Variants in KIF26B observed in about 807,000 individuals in gnomAD.
KIF26B encodes kinesin family member 26B.
Under a neutral mutation model 151.2 loss-of-function variants are expected in KIF26B, and 63 were observed. That is an observed-to-expected ratio of 0.42 (90% CI 0.34 to 0.51). The LOEUF (loss-of-function observed/expected upper bound fraction) is 0.51, where lower values mean the gene tolerates loss of function less well. Among genes scored for constraint, KIF26B ranks in the 20% least tolerant of loss-of-function variants. The probability of loss-of-function intolerance (pLI) is 0.07; values close to 1 mark genes in which losing one functional copy is unlikely to be tolerated. For missense variants in KIF26B, 2,813 were observed against 2,913.6 expected, an observed-to-expected ratio of 0.97 and a Z score of 0.79; for synonymous variants, 1,357 against 1,262.1, an observed-to-expected ratio of 1.08 and a Z score of -1.59.
At chr1:245,677,187 G>C (rs1370128350) in intron 10 of KIF26B, among the ~76,000 whole-genome samples, 2 of 152,218 alleles carry the variant, frequency 1.3e-5, no homozygotes, top group African/African-American at 4.8e-5. Context: ...GATCACAAAG[G>C]CTGGTCCTTC....
At chr1:245,470,814 G>A (rs12068583) in intron 4 of KIF26B, among the ~76,000 whole-genome samples, 4 of 152,032 alleles carry the variant, frequency 2.6e-5, no homozygotes, top group South Asian at 2.1e-4. Context: ...CTGCCTATTC[G>A]TGCATAATTT....
chr1:245,551,062 T>A (rs146050207), intron 5 of KIF26B, among the ~76,000 whole-genome samples: 13 of 152,258 alleles, frequency 8.5e-5, no homozygotes, highest in African/African-American at 2.9e-4. Context: ...AATATATAAT[T>A]TTAGACAGCG....
chr1:245,568,212 A>C (rs1012349576), intron 5 of KIF26B, among the ~76,000 whole-genome samples: 1 of 148,362 alleles, frequency 6.7e-6, no homozygotes, highest in Non-Finnish European at 1.5e-5. Flanking sequence ...AAAAAAAAAA[A>C]AAGAAGCTCT....
intron 2 of KIF26B, among the ~76,000 whole-genome samples, chr1:245,175,979 T>A (rs567466681): frequency 0.014 from 2,081 of 148,016 alleles, 24 homozygotes; most frequent in African/African-American, 0.03. Flanking sequence ...TAGACATCTA[T>A]ATATATAGAT....
intron 2 of KIF26B, among the ~76,000 whole-genome samples, chr1:245,235,561 C>T (rs748580466): frequency 4.0e-5 from 6 of 151,626 alleles, no homozygotes; most frequent in South Asian, 4.2e-4. Flanking sequence ...CCACTGCACT[C>T]GAGCTTGGGT....
intron 4 of KIF26B, among the ~76,000 whole-genome samples, chr1:245,462,586 G>A (rs1659674464): frequency 6.6e-6 from 1 of 152,152 alleles, no homozygotes; most frequent in Admixed American, 6.5e-5. Flanking sequence ...CATCTTCACT[G>A]TGTATTCACC....
At chr1:245,681,284 A>C (rs2044434574) in intron 10 of KIF26B, among the ~76,000 whole-genome samples, 1 of 149,286 alleles carries the variant, frequency 6.7e-6, no homozygotes, top group Non-Finnish European at 1.5e-5. Flanking sequence ...ATCACGGCTC[A>C]CTGCAAGCTC....
intron 4 of KIF26B, among the ~76,000 whole-genome samples, chr1:245,450,684 G>A (rs1242581950): frequency 6.6e-6 from 1 of 152,146 alleles, no homozygotes; most frequent in Non-Finnish European, 1.5e-5. Flanking sequence ...TTCTGTGGTA[G>A]GATTTAGAGT....
intron 2 of KIF26B, among the ~76,000 whole-genome samples, chr1:245,225,713 G>T (rs961096880): frequency 1.3e-5 from 2 of 152,212 alleles, no homozygotes; most frequent in African/African-American, 4.8e-5. Flanking sequence ...TCCTCGGTCC[G>T]TAGGGATGGA....
rs1256029069 is a variant in KIF26B at position 245,685,419 on chromosome 1, G to A, written c.2436G>A (p.Ser812=). 6.8e-6 allele frequency: 11 copies of A among 1,611,430 alleles called. No individual in the cohort carries two copies. Among genetic ancestry groups the A allele is most frequent in the Admixed American group, 3.3e-5 (2 of 59,886 alleles). Residue 812 remains serine (S), a synonymous_variant, in exon 12 of 15, where the codon TCG becomes TCA. Transcript: ENST00000407071. ...KKKKTKYTSS[S]SGGESSCEEG... Reference sequence around the variant, plus strand: ...CTCACTCACAGTACACATCCAGCTCGTCCGGCGGGGAGAGCTCCTGCGAAG... The same window carrying A: ...CTCACTCACAGTACACATCCAGCTCATCCGGCGGGGAGAGCTCCTGCGAAG...
chr1:245,604,232 T>A (rs56930724), intron 6 of KIF26B, among the ~76,000 whole-genome samples: 5,339 of 152,280 alleles, frequency 0.035, 293 homozygotes, highest in African/African-American at 0.12. Context: ...TAATAACTAA[T>A]AATCTATAGC....
At chr1:245,171,824 C>A (rs950567093) in intron 2 of KIF26B, among the ~76,000 whole-genome samples, 1 of 152,174 alleles carries the variant, frequency 6.6e-6, no homozygotes, top group Non-Finnish European at 1.5e-5. Flanking sequence ...CTCTGGGAAC[C>A]TAGAGAAGGC....
chr1:245,225,712 C>G (rs1278189693), intron 2 of KIF26B, among the ~76,000 whole-genome samples: 1 of 152,102 alleles, frequency 6.6e-6, no homozygotes, highest in African/African-American at 2.4e-5. Context: ...TTCCTCGGTC[C>G]GTAGGGATGG....
Position 245,336,084 on chromosome 1 carries a change from G to A in KIF26B, c.466-30750G>A, listed in dbSNP as rs376018078. On this transcript the variant is annotated intron_variant, in intron 2 of 14. Transcript: ENST00000407071. ...GGAGAGTCCCACGCAGGGAAAGGAG[G>A]GTCCCACGCAGGGAAAGGAGGGTCC... Among the ~76,000 whole-genome samples, 356 of 115,370 alleles carry A rather than the reference G, an allele frequency of 3.1e-3. 10 individuals are homozygous for A. The highest frequency in any genetic ancestry group is 0.014 in the African/African-American group (316 of 22,320). The allele number at this position is 115,370 out of a possible 152,430, so 75.7% of individuals were successfully genotyped here. A position where few individuals can be genotyped will look rare whatever the true frequency, so the allele number is the denominator to read the frequency against.
At chr1:245,556,562 G>A (rs2103113357) in intron 5 of KIF26B, among the ~76,000 whole-genome samples, 1 of 152,208 alleles carries the variant, frequency 6.6e-6, no homozygotes. Flanking sequence ...ACCACGCCTG[G>A]GTAATTTTTG....
At chr1:245,679,152 A>G (rs944661138) in intron 10 of KIF26B, among the ~76,000 whole-genome samples, 2 of 152,124 alleles carry the variant, frequency 1.3e-5, no homozygotes, top group Non-Finnish European at 2.9e-5. Flanking sequence ...CTCTGTTACA[A>G]CCACTCAACT....
intron 2 of KIF26B, among the ~76,000 whole-genome samples, chr1:245,266,694 A>G (rs1316540413): frequency 6.6e-6 from 1 of 152,012 alleles, no homozygotes; most frequent in African/African-American, 2.4e-5. Context: ...TTTAGTAGGG[A>G]CGGGGTTTCA....
intron 10 of KIF26B, among the ~76,000 whole-genome samples, chr1:245,650,410 A>G (rs1488870612): frequency 6.6e-6 from 1 of 152,274 alleles, no homozygotes; most frequent in African/African-American, 2.4e-5. Flanking sequence ...GGCCCCCAGA[A>G]GAACCGCCAC....
At chr1:245,201,450 A>C (rs577572120) in intron 2 of KIF26B, among the ~76,000 whole-genome samples, 9 of 152,196 alleles carry the variant, frequency 5.9e-5, no homozygotes, top group Admixed American at 5.2e-4. Context: ...AGATTCCTCC[A>C]ATCGCTTCTA....
Sources: gnomAD v4.1 joint callset for allele counts (sites outside exome capture counted in the v4.1 genomes callset) on GRCh38, gnomAD v4.1.1 for gene constraint, MANE v1.5 for transcripts, NCBI Gene and HGNC (gene_info 2026-07-23, HGNC 2026-07-21) for gene names.